FRMD5: variants seen among roughly 807,000 people sequenced by gnomAD.
The protein encoded by FRMD5 is FERM domain-containing protein 5.
In FRMD5, 20 loss-of-function variants were observed where a neutral mutation model predicts 69.0. That is an observed-to-expected ratio of 0.29 (90% CI 0.20 to 0.42). The LOEUF (loss-of-function observed/expected upper bound fraction) is 0.42, where lower values mean the gene tolerates loss of function less well. Among genes scored for constraint, FRMD5 ranks in the 10% least tolerant of loss-of-function variants. FRMD5 has a pLI of 1.00. For synonymous variants in FRMD5, 271 were observed against 260.1 expected (o/e 1.04, Z -0.40); for missense variants, 595 against 708.6 (o/e 0.84, Z 1.82).
At chr15:44,162,898 G>T (rs1474856589) in intron 1 of FRMD5, among the ~76,000 whole-genome samples, 4 of 150,412 alleles carry the variant, frequency 2.7e-5, no homozygotes, top group African/African-American at 9.8e-5. Flanking sequence ...AACAAGGCTG[G>T]GCGCGGTGGC....
At chr15:44,041,485 C>G (rs1337590650) in intron 1 of FRMD5, among the ~76,000 whole-genome samples, 5 of 152,098 alleles carry the variant, frequency 3.3e-5, no homozygotes, top group Non-Finnish European at 7.4e-5. Flanking sequence ...ACATTCTGCT[C>G]AGCACCACAT....
chr15:43,981,347 G>C (rs555730879), intron 1 of FRMD5, among the ~76,000 whole-genome samples: 2 of 152,110 alleles, frequency 1.3e-5, no homozygotes, highest in Admixed American at 1.3e-4. Context: ...ACAAGGAAGA[G>C]GAAATATATT....
chr15:44,167,332 C>A (rs1048430294), intron 1 of FRMD5, among the ~76,000 whole-genome samples: 6 of 151,668 alleles, frequency 4.0e-5, no homozygotes, highest in Non-Finnish European at 8.8e-5. Flanking sequence ...CGCATCACTG[C>A]ACACCAGCCT....
intron 1 of FRMD5, among the ~76,000 whole-genome samples, chr15:44,155,284 T>C (rs1024194046): frequency 2.0e-5 from 3 of 151,686 alleles, no homozygotes; most frequent in African/African-American, 7.3e-5. Flanking sequence ...ATACAAAAAT[T>C]AGCTGGGCAT....
rs112347686 is a variant in FRMD5 at position 44,009,282 on chromosome 15, C to T, written c.103-84973G>A. ...ATAATGAGTCAGAGAGGTAATAAGA[C>T]TTGCTCAATGCAGTTATCACTAAAC... On this transcript the variant is annotated intron_variant, in intron 1 of 13. Transcript: ENST00000417257. Among the ~76,000 whole-genome samples the T allele has an allele frequency of 4.3e-3, 658 of 152,328 alleles. 6 individuals carry two copies. The highest frequency in any genetic ancestry group is 0.015 in the African/African-American group (625 of 41,556).
rs34063043 is a variant in FRMD5 at position 43,875,804 on chromosome 15, G to GTTTTTTTTTTTT, written c.1136-1354_1136-1343dup. On this transcript the variant is annotated intron_variant, in intron 13 of 13. Coordinates refer to ENST00000417257, the MANE Select transcript of FRMD5 (RefSeq NM_032892.5). ...TCTTGCCTTTGGTGTCCTGGGCCTA[G>GTTTTTTTTTTTT]TTTTTTTTTTTTTTTTTTTTTTTCT... 152 of 210,574 alleles carry GTTTTTTTTTTTT rather than the reference G, an allele frequency of 7.2e-4. 9 individuals are homozygous for GTTTTTTTTTTTT. The highest frequency in any genetic ancestry group is 2.3e-3 in the African/African-American group (48 of 20,950). 13.0% of individuals were successfully genotyped at this position (210,574 alleles called of 1,614,324 possible). A position where few individuals can be genotyped will look rare whatever the true frequency, so the allele number is the denominator to read the frequency against.
At chr15:43,897,952 C>T (rs960293025) in intron 7 of FRMD5, among the ~76,000 whole-genome samples, 1 of 143,462 alleles carries the variant, frequency 7.0e-6, no homozygotes, top group Non-Finnish European at 1.5e-5. Flanking sequence ...GTAAGACATG[C>T]CTGCTTCCCC....
At chr15:44,086,783 T>C (rs753763854) in intron 1 of FRMD5, among the ~76,000 whole-genome samples, 31 of 152,176 alleles carry the variant, frequency 2.0e-4, no homozygotes, top group Non-Finnish European at 3.1e-4. Context: ...TGGAGATATT[T>C]AAAGAGTAGG....
chr15:44,115,021 A>G (rs1235882269), intron 1 of FRMD5, among the ~76,000 whole-genome samples: 2 of 152,206 alleles, frequency 1.3e-5, no homozygotes, highest in African/African-American at 4.8e-5. Flanking sequence ...CTTTACTTTC[A>G]AACATTGGCA....
At chr15:43,896,112 C>T (rs1043768752) in intron 7 of FRMD5, among the ~76,000 whole-genome samples, 4 of 152,256 alleles carry the variant, frequency 2.6e-5, no homozygotes, top group South Asian at 2.1e-4. Flanking sequence ...TTAATGGAGT[C>T]GGGAGGTGGA....
intron 1 of FRMD5, among the ~76,000 whole-genome samples, chr15:44,028,626 C>A (rs550947930): frequency 4.0e-4 from 61 of 152,310 alleles, no homozygotes; most frequent in African/African-American, 1.4e-3. Flanking sequence ...AGAGGATGAA[C>A]TGGATGGCAG....
intron 1 of FRMD5, among the ~76,000 whole-genome samples, chr15:44,032,525 T>A (rs975512175): frequency 6.6e-6 from 1 of 151,582 alleles, no homozygotes; most frequent in African/African-American, 2.4e-5. Context: ...ACAACCCCAT[T>A]AAAAAGTGGG....
chr15:44,150,977 A>T (rs1424689819), intron 1 of FRMD5, among the ~76,000 whole-genome samples: 2 of 152,098 alleles, frequency 1.3e-5, no homozygotes, highest in Non-Finnish European at 1.5e-5. Context: ...CTGTAGTCTC[A>T]GCTACTTGGG....
chr15:44,076,821 G>A (rs1322625272), intron 1 of FRMD5, among the ~76,000 whole-genome samples: 1 of 151,664 alleles, frequency 6.6e-6, no homozygotes, highest in Non-Finnish European at 1.5e-5. Flanking sequence ...AAGTATAGAG[G>A]CTTTCTGGTC....
chr15:44,143,663 C>T (rs572842987), intron 1 of FRMD5, among the ~76,000 whole-genome samples: 7 of 151,108 alleles, frequency 4.6e-5, no homozygotes, highest in East Asian at 1.9e-4. Context: ...CGATGGCTCA[C>T]GCCTGTAATC....
At chr15:44,015,704 T>A (rs1472170415) in intron 1 of FRMD5, among the ~76,000 whole-genome samples, 2 of 152,166 alleles carry the variant, frequency 1.3e-5, no homozygotes, top group Non-Finnish European at 2.9e-5. Context: ...CAAGTCCACA[T>A]GCTTTCTTTC....
chr15:44,094,804 A>AC (rs1262458301), intron 1 of FRMD5, among the ~76,000 whole-genome samples: 3 of 152,076 alleles, frequency 2.0e-5, no homozygotes. Context: ...TTCAAAAGCC[A>AC]TTTTTCATCT....
chr15:43,896,301 T>G (rs776138230), intron 7 of FRMD5, among the ~76,000 whole-genome samples: 1 of 152,244 alleles, frequency 6.6e-6, no homozygotes, highest in Non-Finnish European at 1.5e-5. Flanking sequence ...CTCTCCTCCT[T>G]CTTTCCTCTG....
intron 1 of FRMD5, among the ~76,000 whole-genome samples, chr15:44,011,817 G>T (rs1890734203): frequency 6.6e-6 from 1 of 152,192 alleles, no homozygotes. Flanking sequence ...AGAGGCTCAA[G>T]AGGGTGTAGG....
Sources: allele counts gnomAD v4.1 joint callset (sites outside exome capture counted in the v4.1 genomes callset), GRCh38; gene constraint gnomAD v4.1.1; transcripts MANE v1.5; gene names NCBI Gene and HGNC (gene_info 2026-07-23, HGNC 2026-07-21).